Variants in CNTNAP2 observed in about 807,000 individuals in gnomAD.
CNTNAP2 encodes contactin associated protein 2, also known as contactin-associated protein-like 2.
Under a neutral mutation model 155.2 loss-of-function variants are expected in CNTNAP2, and 98 were observed. The ratio of observed to expected loss-of-function variants is 0.63; its 90% CI spans 0.54 to 0.75. The LOEUF (loss-of-function observed/expected upper bound fraction) is 0.75, where lower values mean the gene tolerates loss of function less well. Among genes scored for constraint, CNTNAP2 ranks in the 30% least tolerant of loss-of-function variants. The probability of loss-of-function intolerance (pLI) is 0.00; values close to 1 mark genes in which losing one functional copy is unlikely to be tolerated. For missense variants in CNTNAP2, 1,727 were observed against 1,688.1 expected (o/e 1.02, Z -0.40); for synonymous variants, 651 against 631.2 (o/e 1.03, Z -0.47).
At position 146,638,476 on chromosome 7, in the gene CNTNAP2, C is replaced by CTTTCTT. The variant is rs1383622498; in HGVS notation, c.98-135792_98-135791insCTTTTT. Among the ~76,000 whole-genome samples, 179 of 64,352 alleles carry CTTTCTT rather than the reference C, an allele frequency of 2.8e-3. 5 individuals are homozygous for CTTTCTT. Among genetic ancestry groups the CTTTCTT allele is most frequent in the South Asian group, 3.8e-3 (4 of 1,054 alleles). The allele number at this position is 64,352 out of a possible 152,430, so 42.2% of individuals were successfully genotyped here. ...AACAGTTTAATACAGTCAGGTGTTT[C>CTTTCTT]TTTTTTTTTTTTTTTTTTTTTTCTT... On this transcript the variant is annotated intron_variant, in intron 1 of 23. Transcript: ENST00000361727.
chr7:147,669,003 G>A (rs1425904385), intron 13 of CNTNAP2, among the ~76,000 whole-genome samples: 2 of 151,800 alleles, frequency 1.3e-5, no homozygotes, highest in African/African-American at 4.8e-5. Flanking sequence ...TTTTTTCTAT[G>A]TTTAGATATA....
In CNTNAP2 at chr7:147,236,538, C is replaced by A. The variant is rs1803808657; in HGVS notation, c.1349-63603C>A. ...ATTTTGTTTATTGTTTGTACTCACT[C>A]TCACTTGTCGTATTCCTTCAATTTT... is the stretch of plus-strand genomic sequence containing the variant. On this transcript the variant is annotated intron_variant, in intron 8 of 23. Transcript: ENST00000361727. 4.0e-5 allele frequency among the ~76,000 whole-genome samples: 6 copies of A among 151,030 alleles called. No homozygotes were observed. In the South Asian group the frequency reaches 1.3e-3, roughly 32 times the overall value.
At position 147,925,288 on chromosome 7, in the gene CNTNAP2, G is replaced by GCA. The variant is rs1281149520; in HGVS notation, c.2255+21568_2255+21569insAC. ...AATGCAGACAAACACACACAAGCGC[G>GCA]CGCGCACACACACACACACACACAC... is the stretch of plus-strand genomic sequence containing the variant. On this transcript the variant is annotated intron_variant, in intron 14 of 23. Coordinates refer to ENST00000361727, the MANE Select transcript of CNTNAP2 (RefSeq NM_014141.6). Among the ~76,000 whole-genome samples, 191 of 67,350 alleles carry GCA rather than the reference G, an allele frequency of 2.8e-3. 6 individuals are homozygous for GCA. Among genetic ancestry groups the GCA allele is most frequent in the South Asian group, 0.015 (28 of 1,920 alleles). 44.2% of individuals were successfully genotyped at this position (67,350 alleles called of 152,430 possible).
At chr7:146,684,070 C>T (rs1296271512) in intron 1 of CNTNAP2, among the ~76,000 whole-genome samples, 1 of 152,142 alleles carries the variant, frequency 6.6e-6, no homozygotes, top group Non-Finnish European at 1.5e-5. Flanking sequence ...AGCAAATCCT[C>T]CAGAGGATAA....
chr7:147,788,856 A>AC (rs1404797907), intron 13 of CNTNAP2, among the ~76,000 whole-genome samples: 6 of 144,260 alleles, frequency 4.2e-5, no homozygotes, highest in Non-Finnish European at 7.5e-5. Flanking sequence ...CCTCATGGAG[A>AC]CCCTCATGAA....
At chr7:147,314,285 T>C (rs1317368350) in intron 9 of CNTNAP2, among the ~76,000 whole-genome samples, 1 of 152,186 alleles carries the variant, frequency 6.6e-6, no homozygotes, top group African/African-American at 2.4e-5. Flanking sequence ...CCAAAGACTT[T>C]CCTAGTAACA....
chr7:147,327,382 T>C (rs1211114353), intron 9 of CNTNAP2, among the ~76,000 whole-genome samples: 3 of 152,218 alleles, frequency 2.0e-5, no homozygotes, highest in African/African-American at 7.2e-5. Flanking sequence ...CTAATCTCTT[T>C]TAGCCAGCAT....
intron 1 of CNTNAP2, among the ~76,000 whole-genome samples, chr7:146,402,229 T>C (rs1328984501): frequency 1.3e-5 from 2 of 152,200 alleles, no homozygotes; most frequent in Non-Finnish European, 2.9e-5. Context: ...AACTATTTTA[T>C]TGATACTGTG....
chr7:147,489,510 A>G (rs1003039962), intron 11 of CNTNAP2, among the ~76,000 whole-genome samples: 1 of 152,228 alleles, frequency 6.6e-6, no homozygotes, highest in Non-Finnish European at 1.5e-5. Flanking sequence ...GAATAGTAGC[A>G]TATCTGAACA....
chr7:146,824,862 G>GT (rs370961669), intron 2 of CNTNAP2, among the ~76,000 whole-genome samples: 135,579 of 143,688 alleles, frequency 0.94, 64,212 homozygotes, highest in Non-Finnish European at 0.99. Flanking sequence ...TTTTGGACCT[G>GT]TTTTTTTTTT....
chr7:146,437,103 G>A (rs918009294), intron 1 of CNTNAP2, among the ~76,000 whole-genome samples: 2 of 151,376 alleles, frequency 1.3e-5, no homozygotes, highest in African/African-American at 4.9e-5. Context: ...TAGCGTTGGC[G>A]TTAGGTTCTC....
intron 15 of CNTNAP2, among the ~76,000 whole-genome samples, chr7:148,023,140 C>T (rs1284165768): frequency 6.6e-6 from 1 of 152,142 alleles, no homozygotes; most frequent in Non-Finnish European, 1.5e-5. Flanking sequence ...TCCCATAGGT[C>T]CTCTGAAATT....
chr7:147,221,028 CT>C (rs1043832579), intron 8 of CNTNAP2, among the ~76,000 whole-genome samples: 5 of 151,074 alleles, frequency 3.3e-5, no homozygotes, highest in Admixed American at 1.3e-4. Context: ...CTTTTTAATA[CT>C]TTTTTTTTAA....
At position 147,362,412 on chromosome 7, in the gene CNTNAP2, G is replaced by A. The variant is rs559394117; in HGVS notation, c.1499-33197G>A. Among the ~76,000 whole-genome samples, 5 of 152,076 alleles carry A rather than the reference G, an allele frequency of 3.3e-5. No individual in the cohort carries two copies. The East Asian group carries it at 9.7e-4, about 29-fold the overall frequency. On this transcript the variant is annotated intron_variant, in intron 9 of 23. Coordinates refer to ENST00000361727, the MANE Select transcript of CNTNAP2 (RefSeq NM_014141.6). The stretch of plus-strand genomic sequence containing the variant: ...GGCCACACAAAGTGCTCGGATTACA[G>A]GCATGAGCCACCACTTCTGGCCTAA...
intron 15 of CNTNAP2, among the ~76,000 whole-genome samples, chr7:147,980,646 C>T (rs62471122): frequency 0.48 from 71,904 of 151,284 alleles, 17,750 homozygotes; most frequent in Middle Eastern, 0.73. Context: ...TTCTCACGGC[C>T]GGGCGCGGTG....
chr7:147,428,278 T>C (rs1797413036), intron 10 of CNTNAP2, among the ~76,000 whole-genome samples: 4 of 152,286 alleles, frequency 2.6e-5, no homozygotes, highest in Middle Eastern at 6.8e-3. Context: ...ACCTACTCAA[T>C]AAATATTTGC....
chr7:148,207,515 T>C (rs539411315), intron 18 of CNTNAP2, among the ~76,000 whole-genome samples: 1 of 152,224 alleles, frequency 6.6e-6, no homozygotes, highest in Non-Finnish European at 1.5e-5. Context: ...GAGTGAATTC[T>C]TTTTTGCTCT....
intron 1 of CNTNAP2, among the ~76,000 whole-genome samples, chr7:146,711,735 A>G (rs1801078006): frequency 6.9e-6 from 1 of 144,926 alleles, no homozygotes; most frequent in African/African-American, 2.5e-5. Flanking sequence ...TTATGTATAC[A>G]TATATAGTAT....
chr7:148,339,005 T>C (rs1450220122), intron 21 of CNTNAP2, among the ~76,000 whole-genome samples: 16 of 152,178 alleles, frequency 1.1e-4, no homozygotes, highest in Admixed American at 1.0e-3. Context: ...GAGTATCAGA[T>C]GTTCCATTCA....
Sources: gnomAD v4.1 joint callset for allele counts (sites outside exome capture counted in the v4.1 genomes callset) on GRCh38, gnomAD v4.1.1 for gene constraint, MANE v1.5 for transcripts, NCBI Gene and HGNC (gene_info 2026-07-23, HGNC 2026-07-21) for gene names.